The following CYLD variants were observed in gnomAD, a reference collection of about 807,000 sequenced individuals.
The protein encoded by CYLD is ubiquitin carboxyl-terminal hydrolase CYLD.
A neutral mutation model predicts 104.5 loss-of-function variants in CYLD; 26 were observed. That is an observed-to-expected ratio of 0.25 (90% CI 0.18 to 0.35). The LOEUF (loss-of-function observed/expected upper bound fraction) is 0.35, where lower values mean the gene tolerates loss of function less well. Among genes scored for constraint, CYLD ranks in the 10% least tolerant of loss-of-function variants. The probability of loss-of-function intolerance (pLI) is 1.00; values close to 1 mark genes in which losing one functional copy is unlikely to be tolerated. For synonymous variants in CYLD, 385 were observed against 399.9 expected (o/e 0.96, Z 0.45); for missense variants, 703 against 1,136.1 (o/e 0.62, Z 5.48).
In CYLD at chr16:50,747,732, C is replaced by A. The variant is rs977172507; in HGVS notation, c.-123-1844C>A. Among the ~76,000 whole-genome samples, 8 of 152,244 alleles carry A rather than the reference C, an allele frequency of 5.3e-5. No homozygotes were observed. The South Asian group carries it at 1.7e-3, about 32-fold the overall frequency. On this transcript the variant is annotated intron_variant, in intron 2 of 18. Transcript: ENST00000427738. ...ATATAAGTGGCAAATATAAATTGAT[C>A]CCATTCTTGCTGAAGTAGACAGTGC... is the stretch of plus-strand genomic sequence containing the variant.
chr16:50,796,976 A>G lies in CYLD; in HGVS notation c.*468A>G. ...TTAAGAGTCTACTCTCAATCCAGTT[A>G]TTAGAGATGTACTGAGTTTGATTTG... is the stretch of plus-strand genomic sequence containing the variant. On this transcript the variant is annotated 3_prime_UTR_variant, in exon 19 of 19. Transcript: ENST00000427738. The G allele has an allele frequency of 3.6e-6, 1 of 281,182 alleles. No homozygotes were observed. Among genetic ancestry groups the G allele is most frequent in the Non-Finnish European group, 6.9e-6 (1 of 145,982 alleles). The allele number at this position is 281,182 out of a possible 1,614,324, so 17.4% of individuals were successfully genotyped here.
At position 50,801,137 on chromosome 16, in the gene CYLD, G is replaced by C. The variant is rs994359406; in HGVS notation, c.*4629G>C. ...GAGGTGGGAGGAGGGGAGAAAGACT[G>C]TTCATCTTATTCTGAATCCTGGAGC... On this transcript the variant is annotated 3_prime_UTR_variant, in exon 19 of 19. Coordinates refer to ENST00000427738, the MANE Select transcript of CYLD (RefSeq NM_001378743.1). 1 of 233,352 alleles carries C rather than the reference G, an allele frequency of 4.3e-6. No homozygotes were observed. The highest frequency in any genetic ancestry group is 8.5e-6 in the Non-Finnish European group (1 of 118,096). 14.5% of individuals were successfully genotyped at this position (233,352 alleles called of 1,614,324 possible). A position where few individuals can be genotyped will look rare whatever the true frequency, so the allele number is the denominator to read the frequency against.
intron 5 of CYLD, among the ~76,000 whole-genome samples, chr16:50,754,826 G>A (rs140011547): frequency 0.012 from 1,779 of 150,530 alleles, 35 homozygotes; most frequent in African/African-American, 0.042. Flanking sequence ...TCCTTTTTAC[G>A]GCTGAGTAGT....
chr16:50,761,553 CT>C (rs1211255370), intron 5 of CYLD, among the ~76,000 whole-genome samples: 2 of 152,166 alleles, frequency 1.3e-5, no homozygotes. Context: ...TACATATGTC[CT>C]TTGGAGCTGG....
chr16:50,766,624 G>C (rs1367438367), intron 5 of CYLD, among the ~76,000 whole-genome samples: 1 of 152,198 alleles, frequency 6.6e-6, no homozygotes, highest in Non-Finnish European at 1.5e-5. Flanking sequence ...CACCATTCTA[G>C]ATGCCATCAA....
chr16:50,786,795 A>G, intron 12 of CYLD, 60 bp from the exon 13 acceptor site: 1 of 1,175,216 alleles, frequency 8.5e-7, no homozygotes, highest in Non-Finnish European at 1.3e-6. Flanking sequence ...ATATGTGATT[A>G]AGATGTGTTA....
At chr16:50,788,082 C>G (rs1971028943) in intron 14 of CYLD, among the ~76,000 whole-genome samples, 1 of 152,116 alleles carries the variant, frequency 6.6e-6, no homozygotes, top group Non-Finnish European at 1.5e-5. Flanking sequence ...CAATTTTTAA[C>G]CCTAGCGATA....
intron 2 of CYLD, among the ~76,000 whole-genome samples, chr16:50,744,366 G>T (rs1213236893): frequency 6.6e-6 from 1 of 152,144 alleles, no homozygotes; most frequent in Non-Finnish European, 1.5e-5. Context: ...TTTAGTGAGA[G>T]ATGTTCTCTT....
intron 12 of CYLD, 123 bp from the exon 13 acceptor site, chr16:50,786,732 A>C: frequency 1.4e-6 from 1 of 731,714 alleles, no homozygotes; most frequent in South Asian, 1.7e-5. Flanking sequence ...TGCACACTCC[A>C]GCCTGAGTGA....
chr16:50,786,774 G>T, intron 12 of CYLD, 81 bp from the exon 13 acceptor site: 6 of 1,040,268 alleles, frequency 5.8e-6, no homozygotes, highest in Non-Finnish European at 8.6e-6. Context: ...AAAAAAAAAA[G>T]AAAAAAAGAA....
intron 5 of CYLD, among the ~76,000 whole-genome samples, chr16:50,755,638 G>A (rs983429223): frequency 1.3e-5 from 2 of 152,102 alleles, no homozygotes; most frequent in African/African-American, 2.4e-5. Flanking sequence ...ATGATGCTGA[G>A]CATTTTCCCA....
chr16:50,742,962 G>C (rs1383036420), intron 2 of CYLD, 121 bp downstream of exon 2: 1 of 396,404 alleles, frequency 2.5e-6, no homozygotes, highest in African/African-American at 2.1e-5. Context: ...ACTCAGCTGG[G>C]TCAGCTGCCG....
chr16:50,768,356 A>G lies in CYLD; in HGVS notation c.914-6810A>G, dbSNP rs143051005. 2.1e-3 allele frequency among the ~76,000 whole-genome samples: 326 copies of G among 152,280 alleles called. 3 individuals are homozygous for G. The highest frequency in any genetic ancestry group is 7.1e-3 in the African/African-American group (294 of 41,566). ...TAGGACTCTTTTCTTGAGGGGAAAA[A>G]AAAGTCAAAGTGTCTCCTTTAGTTC... On this transcript the variant is annotated intron_variant, in intron 5 of 18. Coordinates refer to ENST00000427738, the MANE Select transcript of CYLD (RefSeq NM_001378743.1).
intron 7 of CYLD, 45 bp from the exon 8 acceptor site, chr16:50,777,780 C>G (rs780674199): frequency 9.9e-7 from 1 of 1,011,634 alleles, no homozygotes; most frequent in Non-Finnish European, 1.6e-6. Context: ...AACTTTGATG[C>G]TATATTGACT....
chr16:50,800,784 A>T lies in CYLD; in HGVS notation c.*4276A>T, dbSNP rs565582907. 4.3e-6 allele frequency: 1 copy of T among 232,710 alleles called. No homozygotes were observed. Among genetic ancestry groups the T allele is most frequent in the South Asian group, 1.8e-4 (1 of 5,522 alleles). 14.4% of individuals were successfully genotyped at this position (232,710 alleles called of 1,614,324 possible). A position where few individuals can be genotyped will look rare whatever the true frequency, so the allele number is the denominator to read the frequency against. On this transcript the variant is annotated 3_prime_UTR_variant, in exon 19 of 19. Transcript: ENST00000427738. ...GGTCTTTTTAAAGTAGGTAGGCTAT[A>T]AGGCCTGTAATTTAAAATAATACTC... is the stretch of plus-strand genomic sequence containing the variant.
At chr16:50,774,008 C>T (rs926630831) in intron 5 of CYLD, among the ~76,000 whole-genome samples, 8 of 152,180 alleles carry the variant, frequency 5.3e-5, no homozygotes, top group Non-Finnish European at 7.3e-5. Flanking sequence ...CTGTCACCAC[C>T]GGCCATCCAG....
At position 50,801,682 on chromosome 16, in the gene CYLD, G is replaced by C; in HGVS notation, c.*5174G>C. On this transcript the variant is annotated 3_prime_UTR_variant, in exon 19 of 19. Coordinates refer to ENST00000427738, the MANE Select transcript of CYLD (RefSeq NM_001378743.1). ...GATTCTTAGTAGATTGGTAGAAAGG[G>C]GCTCATTTTCTACTGCATTTCCCAT... 1 of 233,276 alleles carries C rather than the reference G, an allele frequency of 4.3e-6. No homozygotes were observed. The highest frequency in any genetic ancestry group is 6.0e-5 in the East Asian group (1 of 16,620). The allele number at this position is 233,276 out of a possible 1,614,324, so 14.5% of individuals were successfully genotyped here.
Position 50,751,749 on chromosome 16 carries a change from C to T in CYLD, c.650C>T (p.Ala217Val), listed in dbSNP as rs1187911151. 1 of 1,613,736 alleles carries T rather than the reference C, an allele frequency of 6.2e-7. No individual in the cohort carries two copies. The highest frequency in any genetic ancestry group is 1.7e-5 in the Admixed American group (1 of 59,964). ...DDDTALESDY[A>V]GPGDTMQVEL... Reference sequence around the variant, plus strand: ...GACACTGCATTGGAAAGTGATTACGCAGGTCCTGGGGACACAATGCAGGTC... The same window carrying T: ...GACACTGCATTGGAAAGTGATTACGTAGGTCCTGGGGACACAATGCAGGTC... Residue 217 changes from alanine (A) to valine (V), a missense_variant, in exon 4 of 19, where the codon GCA becomes GTA. Ala to Val is a moderately conservative substitution (Grantham distance 64). This residue lies in a region of CYLD where 123 missense variants were observed against 213.3 expected (regional missense o/e 0.58). Transcript: ENST00000427738.
chr16:50,801,210 C>T lies in CYLD; in HGVS notation c.*4702C>T, dbSNP rs886052070. ...CAGGATGCAGTGGTAATGCATTAACCAGCAAGTGTGGCCAAGGATAATGAA... is the reference window on the plus strand; with the variant it reads ...CAGGATGCAGTGGTAATGCATTAACTAGCAAGTGTGGCCAAGGATAATGAA... On this transcript the variant is annotated 3_prime_UTR_variant, in exon 19 of 19. Transcript: ENST00000427738. 3 of 233,314 alleles carry T rather than the reference C, an allele frequency of 1.3e-5. No individual in the cohort carries two copies. Among genetic ancestry groups the T allele is most frequent in the East Asian group, 1.2e-4 (2 of 16,744 alleles). The allele number at this position is 233,314 out of a possible 1,614,324, so 14.5% of individuals were successfully genotyped here.
Sources: allele counts gnomAD v4.1 joint callset (sites outside exome capture counted in the v4.1 genomes callset), GRCh38; gene constraint gnomAD v4.1.1; regional missense constraint gnomAD v4.1.1; transcripts MANE v1.5; gene names NCBI Gene and HGNC (gene_info 2026-07-23, HGNC 2026-07-21).